The following CEP85L variants were observed in gnomAD, a reference collection of about 807,000 sequenced individuals.
CEP85L encodes the protein centrosomal protein of 85 kDa-like.
CEP85L carries 60 observed loss-of-function variants against 100.3 expected under a neutral mutation model. That is an observed-to-expected ratio of 0.60 (90% CI 0.49 to 0.74). CEP85L has a LOEUF of 0.74. Ranked by LOEUF, CEP85L falls within the 30% of genes least tolerant of loss-of-function variation. CEP85L has a pLI of 0.00. For synonymous variants in CEP85L, 319 were observed against 322.7 expected (o/e 0.99, Z 0.12); for missense variants, 973 against 936.2 (o/e 1.04, Z -0.51).
intron 10 of CEP85L, among the ~76,000 whole-genome samples, chr6:118,479,279 G>A (rs1007249381): frequency 1.3e-5 from 2 of 152,100 alleles, no homozygotes; most frequent in African/African-American, 4.8e-5. Flanking sequence ...AGAAGTAACA[G>A]TAAAATTAGG....
At chr6:118,482,130 A>T (rs2114534192) in intron 7 of CEP85L, among the ~76,000 whole-genome samples, 197 bp from the exon 8 acceptor site, 1 of 152,244 alleles carries the variant, frequency 6.6e-6, no homozygotes, top group East Asian at 1.9e-4. Context: ...GAACAGAATT[A>T]CAAGGAAGAG....
At chr6:118,550,391 A>T (rs1236544961) in intron 3 of CEP85L, among the ~76,000 whole-genome samples, 1 of 151,826 alleles carries the variant, frequency 6.6e-6, no homozygotes, top group African/African-American at 2.4e-5. Context: ...TTAAATTTTT[A>T]ATTAAAAAAC....
chr6:118,572,127 A>G (rs961190037), intron 2 of CEP85L, among the ~76,000 whole-genome samples: 4 of 152,060 alleles, frequency 2.6e-5, no homozygotes, highest in Admixed American at 2.6e-4. Context: ...AAGTGCTGGG[A>G]TTACAGGCGG....
chr6:118,653,129 A>G (rs1354785329), upstream of CEP85L, among the ~76,000 whole-genome samples: 2 of 152,234 alleles, frequency 1.3e-5, no homozygotes, highest in East Asian at 1.9e-4. Context: ...TCCTAATTCT[A>G]AACAGTGTTT....
chr6:118,654,292 T>C (rs1378605502), upstream of CEP85L, among the ~76,000 whole-genome samples: 2 of 151,766 alleles, frequency 1.3e-5, no homozygotes, highest in East Asian at 3.9e-4. Flanking sequence ...AAAAAATAAA[T>C]AAAATGAGAA....
chr6:118,517,293 G>A (rs1224007359), intron 4 of CEP85L, among the ~76,000 whole-genome samples: 1 of 152,202 alleles, frequency 6.6e-6, no homozygotes, highest in Non-Finnish European at 1.5e-5. Context: ...GTCAATGGCA[G>A]CTTGATGGGG....
At chr6:118,541,674 T>C (rs1455241233) in intron 3 of CEP85L, among the ~76,000 whole-genome samples, 1 of 152,128 alleles carries the variant, frequency 6.6e-6, no homozygotes, top group African/African-American at 2.4e-5. Flanking sequence ...GTTGATATTA[T>C]CAAAGTCTTT....
At chr6:118,691,183 G>A (rs1381561603) in intron 1 of CEP85L, among the ~76,000 whole-genome samples, 1 of 65,620 alleles carries the variant, frequency 1.5e-5, no homozygotes, top group African/African-American at 5.4e-5. Context: ...GAGATGCCAA[G>A]GCAGGTGGAT....
chr6:118,638,207 CAAA>C (rs200482893), intron 1 of CEP85L, among the ~76,000 whole-genome samples: 1 of 123,758 alleles, frequency 8.1e-6, no homozygotes, highest in African/African-American at 3.0e-5. Flanking sequence ...GAGACCGTCT[CAAA>C]AAAAAAAAAA....
intron 1 of CEP85L, among the ~76,000 whole-genome samples, chr6:118,703,323 C>A (rs1777486805): frequency 6.6e-6 from 1 of 151,802 alleles, no homozygotes; most frequent in African/African-American, 2.4e-5. Flanking sequence ...ATATACCAAC[C>A]CTTTCATAAG....
chr6:118,683,399 A>T (rs1236930183), intron 1 of CEP85L, among the ~76,000 whole-genome samples: 1 of 152,200 alleles, frequency 6.6e-6, no homozygotes, highest in African/African-American at 2.4e-5. Flanking sequence ...AAACATTTTT[A>T]TATAAAAACT....
intron 2 of CEP85L, among the ~76,000 whole-genome samples, chr6:118,595,970 G>C (rs571340139): frequency 6.6e-6 from 1 of 152,170 alleles, no homozygotes; most frequent in South Asian, 2.1e-4. Flanking sequence ...AATTATATTT[G>C]ATAATACACA....
Position 118,463,311 on chromosome 6 carries a change from A to G in CEP85L, c.*2094T>C, listed in dbSNP as rs534594479. The stretch of plus-strand genomic sequence containing the variant: ...AACATACACTAAAAATCTAGGAGAG[A>G]TATTTAAGTAAGAACCTACTGGTCC... On this transcript the variant is annotated 3_prime_UTR_variant, in exon 13 of 13. Coordinates refer to ENST00000368491, the MANE Select transcript of CEP85L (RefSeq NM_001042475.3). 1 of 152,090 alleles carries G rather than the reference A, an allele frequency of 6.6e-6. No individual in the cohort carries two copies. The highest frequency in any genetic ancestry group is 2.4e-5 in the African/African-American group (1 of 41,542). 9.4% of individuals were successfully genotyped at this position (152,090 alleles called of 1,614,324 possible).
rs751534524 is a variant in CEP85L, at chr6:118,483,616, CAT to C, written c.1590+88_1590+89del. 106 of 1,205,006 alleles carry C rather than the reference CAT, an allele frequency of 8.8e-5. 1 individual carries two copies. Among genetic ancestry groups the C allele is most frequent in the South Asian group, 7.2e-4 (48 of 66,948 alleles). 74.6% of individuals were successfully genotyped at this position (1,205,006 alleles called of 1,614,324 possible). A position where few individuals can be genotyped will look rare whatever the true frequency, so the allele number is the denominator to read the frequency against. On this transcript the variant is annotated intron_variant, in intron 7 of 12. Transcript: ENST00000368491. ...AAGTCCCCAAAACAGCAATTAAACA[CAT>C]AGATTTAACTTATAGTTAGCCAAAT...
chr6:118,572,497 G>A (rs182333059), intron 2 of CEP85L, among the ~76,000 whole-genome samples: 6 of 150,494 alleles, frequency 4.0e-5, no homozygotes, highest in East Asian at 2.0e-4. Context: ...ACTTGAACCC[G>A]GGAGGCAGAG....
At chr6:118,703,200 A>C (rs1777481317) in intron 1 of CEP85L, among the ~76,000 whole-genome samples, 1 of 151,874 alleles carries the variant, frequency 6.6e-6, no homozygotes, top group Non-Finnish European at 1.5e-5. Context: ...TCTTTATTTT[A>C]TTTATTTGTT....
intron 3 of CEP85L, among the ~76,000 whole-genome samples, chr6:118,556,572 T>C (rs1370908085): frequency 6.6e-6 from 1 of 152,192 alleles, no homozygotes; most frequent in Non-Finnish European, 1.5e-5. Flanking sequence ...CAGCACTTCC[T>C]TCTGCTCCCT....
At chr6:118,677,551 A>C (rs965005084) in intron 1 of CEP85L, among the ~76,000 whole-genome samples, 19 of 152,218 alleles carry the variant, frequency 1.2e-4, no homozygotes, top group African/African-American at 3.9e-4. Flanking sequence ...CTATATCTCT[A>C]GCATTGACCT....
At chr6:118,572,258 T>C (rs1438456178) in intron 2 of CEP85L, among the ~76,000 whole-genome samples, 3 of 121,554 alleles carry the variant, frequency 2.5e-5, no homozygotes, top group Non-Finnish European at 3.3e-5. Context: ...TTATGCCACA[T>C]GTAACCCATT....
Sources: allele counts gnomAD v4.1 joint callset (sites outside exome capture counted in the v4.1 genomes callset), GRCh38; gene constraint gnomAD v4.1.1; transcripts MANE v1.5; gene names NCBI Gene and HGNC (gene_info 2026-07-23, HGNC 2026-07-21).